The following ERC2 variants were observed in gnomAD, a reference collection of about 807,000 sequenced individuals.
ERC2 encodes the protein ELKS/RAB6-interacting/CAST family member 2.
Under a neutral mutation model 114.8 loss-of-function variants are expected in ERC2, and 42 were observed. The observed-to-expected ratio is 0.37, with a 90% confidence interval of 0.29 to 0.47. The LOEUF (loss-of-function observed/expected upper bound fraction) is 0.47, where lower values mean the gene tolerates loss of function less well. Ranked by LOEUF, ERC2 falls within the 20% of genes least tolerant of loss-of-function variation. The pLI, the probability that ERC2 is intolerant of heterozygous loss-of-function variation, is 0.99. For synonymous variants in ERC2, 454 were observed against 425.5 expected, an observed-to-expected ratio of 1.07 and a Z score of -0.82; for missense variants, 939 against 1,150.7, an observed-to-expected ratio of 0.82 and a Z score of 2.66.
At chr3:56,229,178 C>A (rs1560421312) in intron 3 of ERC2, among the ~76,000 whole-genome samples, 2 of 152,092 alleles carry the variant, frequency 1.3e-5, no homozygotes, top group Non-Finnish European at 2.9e-5. Context: ...ACAAAAAGGC[C>A]TTGCCTTTTA....
intron 14 of ERC2, among the ~76,000 whole-genome samples, chr3:55,777,852 T>C (rs1003147719): frequency 1.3e-5 from 2 of 152,210 alleles, no homozygotes; most frequent in African/African-American, 4.8e-5. Context: ...TTTAGTGTAC[T>C]GTTTATCAAG....
intron 14 of ERC2, among the ~76,000 whole-genome samples, chr3:55,881,892 G>A (rs1374226895): frequency 6.6e-6 from 1 of 152,176 alleles, no homozygotes; most frequent in Non-Finnish European, 1.5e-5. Context: ...ACAAGGAAAG[G>A]TGAATATTAT....
chr3:56,184,561 G>A (rs1021043936), intron 3 of ERC2, among the ~76,000 whole-genome samples: 2 of 152,134 alleles, frequency 1.3e-5, no homozygotes, highest in Admixed American at 6.5e-5. Flanking sequence ...CCATGGAAAA[G>A]GTGCAGCCAC....
At chr3:55,639,871 G>A (rs147930893) in intron 17 of ERC2, among the ~76,000 whole-genome samples, 2 of 152,142 alleles carry the variant, frequency 1.3e-5, no homozygotes, top group African/African-American at 4.8e-5. Flanking sequence ...AGTTTATCAA[G>A]GGCAGGAAGC....
At chr3:56,157,589 T>C (rs936457085) in intron 4 of ERC2, among the ~76,000 whole-genome samples, 2 of 152,218 alleles carry the variant, frequency 1.3e-5, no homozygotes, top group Non-Finnish European at 2.9e-5. Flanking sequence ...TAGGAAAAGA[T>C]TGAGTGAGGA....
chr3:55,952,164 C>CT (rs1559922210), intron 12 of ERC2, among the ~76,000 whole-genome samples: 30 of 72,730 alleles, frequency 4.1e-4, no homozygotes, highest in Non-Finnish European at 5.4e-4. Context: ...CACACACACA[C>CT]ACACACACAC....
chr3:56,095,406 A>G (rs1224087110), intron 6 of ERC2, among the ~76,000 whole-genome samples: 1 of 152,250 alleles, frequency 6.6e-6, no homozygotes, highest in African/African-American at 2.4e-5. Context: ...TCTTCATGGA[A>G]AAAGACAAAC....
intron 17 of ERC2, among the ~76,000 whole-genome samples, chr3:55,523,797 A>G (rs1182192563): frequency 6.6e-6 from 1 of 152,236 alleles, no homozygotes; most frequent in Non-Finnish European, 1.5e-5. Flanking sequence ...ACACACATTT[A>G]TCAAATGCTG....
chr3:56,071,117 C>A (rs1485676), intron 7 of ERC2, among the ~76,000 whole-genome samples: 2,400 of 152,256 alleles, frequency 0.016, 62 homozygotes, highest in African/African-American at 0.055. Flanking sequence ...GAAATTACAA[C>A]TTCTTCAATA....
At chr3:55,931,453 G>A (rs113706727) in intron 13 of ERC2, among the ~76,000 whole-genome samples, 44 of 152,224 alleles carry the variant, frequency 2.9e-4, no homozygotes, top group African/African-American at 1.1e-3. Flanking sequence ...TCCTTTTCAG[G>A]GACATGGATG....
rs1475984403 is a variant in ERC2, at chr3:56,281,432, G to A, written c.1074+14587C>T. Among the ~76,000 whole-genome samples, 6 of 19,258 alleles carry A rather than the reference G, an allele frequency of 3.1e-4. 1 individual carries two copies. In the East Asian group the frequency reaches 3.9e-3, roughly 12 times the overall value. The allele number at this position is 19,258 out of a possible 152,430, so 12.6% of individuals were successfully genotyped here. A position where few individuals can be genotyped will look rare whatever the true frequency, so the allele number is the denominator to read the frequency against. On this transcript the variant is annotated intron_variant, in intron 3 of 17. Transcript: ENST00000288221. ...AGCCTGGGTGACAGAGCAAGACTCC[G>A]TCTCAAAAAAAAAAAAAAAAAAAAA...
intron 3 of ERC2, among the ~76,000 whole-genome samples, chr3:56,264,596 C>CA (rs35155507): frequency 0.24 from 32,548 of 136,436 alleles, 4,293 homozygotes; most frequent in Non-Finnish European, 0.31. Flanking sequence ...GACTCCATCT[C>CA]AAAAAAAAAA....
At position 56,392,169 on chromosome 3, in the gene ERC2, A is replaced by C. The variant is rs553509481; in HGVS notation, c.657+42182T>G. 2.0e-5 allele frequency among the ~76,000 whole-genome samples: 3 copies of C among 152,348 alleles called. No homozygotes were observed. In the South Asian group the frequency reaches 6.2e-4, roughly 32 times the overall value. On this transcript the variant is annotated intron_variant, in intron 2 of 17. Transcript: ENST00000288221. ...AATGTTTCAAATATCAAAATTATTGAGATGCATGTAGATTTATCCAGGCAA... is the reference window on the plus strand; with the variant it reads ...AATGTTTCAAATATCAAAATTATTGCGATGCATGTAGATTTATCCAGGCAA...
At chr3:55,879,302 T>C (rs1443800101) in intron 14 of ERC2, among the ~76,000 whole-genome samples, 1 of 152,084 alleles carries the variant, frequency 6.6e-6, no homozygotes, top group African/African-American at 2.4e-5. Context: ...GTGAGAGTGT[T>C]CCTGCTGCTA....
chr3:56,348,933 A>G (rs980013183), intron 2 of ERC2, among the ~76,000 whole-genome samples: 349 of 140,092 alleles, frequency 2.5e-3, no homozygotes, highest in South Asian at 0.01. Flanking sequence ...GGAAGGAAGG[A>G]AGGAAGGAAG....
At chr3:56,280,174 G>T (rs933042154) in intron 3 of ERC2, among the ~76,000 whole-genome samples, 15 of 152,070 alleles carry the variant, frequency 9.9e-5, no homozygotes, top group Non-Finnish European at 7.4e-5. Context: ...ATGGAGGGGG[G>T]TGCCACAAGC....
chr3:56,304,572 C>T (rs374101109), intron 2 of ERC2, among the ~76,000 whole-genome samples: 96 of 152,140 alleles, frequency 6.3e-4, no homozygotes, highest in African/African-American at 2.1e-3. Context: ...ATGAACTATA[C>T]AAGAAAGGTA....
chr3:56,396,792 G>A (rs78046785), intron 2 of ERC2, among the ~76,000 whole-genome samples: 2 of 152,070 alleles, frequency 1.3e-5, no homozygotes, highest in Admixed American at 6.5e-5. Context: ...CCTTTGTGTG[G>A]TTCACTGAAG....
At chr3:55,820,694 C>T (rs547673838) in intron 14 of ERC2, among the ~76,000 whole-genome samples, 7 of 152,218 alleles carry the variant, frequency 4.6e-5, no homozygotes, top group African/African-American at 9.6e-5. Flanking sequence ...ATCTCCAAGC[C>T]GGGCAGGGCA....
Sources: allele counts gnomAD v4.1 joint callset (sites outside exome capture counted in the v4.1 genomes callset), GRCh38; gene constraint gnomAD v4.1.1; transcripts MANE v1.5; gene names NCBI Gene and HGNC (gene_info 2026-07-23, HGNC 2026-07-21).